Variants in CPNE8 observed in about 807,000 individuals in gnomAD.
CPNE8 encodes the protein copine 8.
In CPNE8, 45 loss-of-function variants were observed where a neutral mutation model predicts 81.5. The observed-to-expected ratio is 0.55, with a 90% confidence interval of 0.44 to 0.71. The LOEUF (loss-of-function observed/expected upper bound fraction) is 0.71. CPNE8 is among the 30% of genes least tolerant of loss of function. The pLI, the probability that CPNE8 is intolerant of heterozygous loss-of-function variation, is 0.00. For missense variants in CPNE8, 594 were observed against 672.1 expected (o/e 0.88, Z 1.28); for synonymous variants, 252 against 226.3 (o/e 1.11, Z -1.02).
At chr12:38,745,606 G>A (rs1565595024) in intron 10 of CPNE8, among the ~76,000 whole-genome samples, 1 of 152,146 alleles carries the variant, frequency 6.6e-6, no homozygotes, top group South Asian at 2.1e-4. Context: ...GCAGTGGTGT[G>A]ATCACAGCTC....
At chr12:38,775,738 G>A (rs1941919677) in intron 7 of CPNE8, among the ~76,000 whole-genome samples, 1 of 152,154 alleles carries the variant, frequency 6.6e-6, no homozygotes, top group Non-Finnish European at 1.5e-5. Flanking sequence ...GCTAGCTGTA[G>A]TGGCAGCTAA....
chr12:38,798,090 G>A (rs1389222596), intron 6 of CPNE8, among the ~76,000 whole-genome samples: 1 of 152,184 alleles, frequency 6.6e-6, no homozygotes, highest in African/African-American at 2.4e-5. Context: ...ACCTGAAAGT[G>A]ACAGGGAGAA....
At chr12:38,759,975 G>A (rs1941540701) in intron 10 of CPNE8, among the ~76,000 whole-genome samples, 1 of 152,092 alleles carries the variant, frequency 6.6e-6, no homozygotes, top group Admixed American at 6.5e-5. Flanking sequence ...TCCCTTTGGG[G>A]GTTGGTTTCT....
chr12:38,841,296 G>C (rs1236317820), intron 4 of CPNE8, among the ~76,000 whole-genome samples: 2 of 152,078 alleles, frequency 1.3e-5, no homozygotes, highest in African/African-American at 4.8e-5. Flanking sequence ...AGAACACACA[G>C]AGCCACTCTA....
chr12:38,702,673 G>T (rs1020431023), intron 14 of CPNE8, among the ~76,000 whole-genome samples: 1 of 151,860 alleles, frequency 6.6e-6, no homozygotes, highest in Non-Finnish European at 1.5e-5. Context: ...GAGACTATTA[G>T]CATTTTTGTT....
At chr12:38,780,452 T>G (rs1942026452) in intron 6 of CPNE8, among the ~76,000 whole-genome samples, 1 of 152,076 alleles carries the variant, frequency 6.6e-6, no homozygotes, top group Non-Finnish European at 1.5e-5. Flanking sequence ...GCTGGGAAAC[T>G]TCTAGAAATG....
intron 6 of CPNE8, among the ~76,000 whole-genome samples, chr12:38,785,180 T>C (rs1208101115): frequency 6.8e-6 from 1 of 147,236 alleles, no homozygotes; most frequent in African/African-American, 2.5e-5. Flanking sequence ...AGAGTGAGAC[T>C]CTGTCTCTGA....
intron 5 of CPNE8, among the ~76,000 whole-genome samples, chr12:38,839,186 A>G (rs1943429748): frequency 6.6e-6 from 1 of 151,924 alleles, no homozygotes; most frequent in South Asian, 2.1e-4. Context: ...CCTAATTCCA[A>G]TTTCACAGGT....
chr12:38,799,345 T>C (rs574291576), intron 6 of CPNE8, among the ~76,000 whole-genome samples: 1 of 152,194 alleles, frequency 6.6e-6, no homozygotes, highest in South Asian at 2.1e-4. Context: ...CAACAAACTG[T>C]CTCTCAGACC....
intron 6 of CPNE8, among the ~76,000 whole-genome samples, chr12:38,790,745 T>C (rs549186140): frequency 9.5e-4 from 144 of 151,586 alleles, no homozygotes; most frequent in African/African-American, 3.4e-3. Context: ...CCCACAAAAA[T>C]TAAAAAGATT....
chr12:38,780,951 C>T (rs1418905960), intron 6 of CPNE8, among the ~76,000 whole-genome samples: 1 of 151,910 alleles, frequency 6.6e-6, no homozygotes, highest in Non-Finnish European at 1.5e-5. Flanking sequence ...ACGAGTTAAT[C>T]TTAAATCAGT....
chr12:38,856,129 A>G (rs188136802), intron 3 of CPNE8, among the ~76,000 whole-genome samples: 3 of 152,182 alleles, frequency 2.0e-5, no homozygotes, highest in Admixed American at 2.0e-4. Context: ...AATATATAAC[A>G]TACTAAGGCT....
chr12:38,659,237 G>A (rs531569636), intron 19 of CPNE8, among the ~76,000 whole-genome samples: 13 of 151,562 alleles, frequency 8.6e-5, no homozygotes, highest in South Asian at 2.1e-4. Flanking sequence ...AAAAAAAAGC[G>A]GGGATTGCAA....
intron 3 of CPNE8, among the ~76,000 whole-genome samples, chr12:38,867,594 A>G (rs1943935399): frequency 6.6e-6 from 1 of 152,192 alleles, no homozygotes; most frequent in South Asian, 2.1e-4. Flanking sequence ...GGAACCTGGA[A>G]CAAATTCTAT....
At chr12:38,749,218 G>T (rs1257275199) in intron 10 of CPNE8, among the ~76,000 whole-genome samples, 1 of 152,268 alleles carries the variant, frequency 6.6e-6, no homozygotes, top group Non-Finnish European at 1.5e-5. Flanking sequence ...TGCCCTCCAC[G>T]TGAGACTTGA....
chr12:38,785,506 T>C (rs968638972), intron 6 of CPNE8, among the ~76,000 whole-genome samples: 16 of 152,176 alleles, frequency 1.1e-4, no homozygotes, highest in African/African-American at 3.4e-4. Flanking sequence ...GTTCTTGTGA[T>C]AGTGAATAAG....
chr12:38,890,675 A>C (rs1430084036), intron 1 of CPNE8, among the ~76,000 whole-genome samples: 2 of 152,052 alleles, frequency 1.3e-5, no homozygotes, highest in African/African-American at 4.8e-5. Flanking sequence ...AATTATACCC[A>C]AGTGAAACCA....
chr12:38,660,779 C>T (rs1247275447), intron 19 of CPNE8, among the ~76,000 whole-genome samples: 1 of 151,968 alleles, frequency 6.6e-6, no homozygotes, highest in Non-Finnish European at 1.5e-5. Context: ...AAAAAAACAA[C>T]CCCATCTAAA....
Position 38,797,905 on chromosome 12 carries a change from G to C in CPNE8, c.408-21604C>G, listed in dbSNP as rs1372663821. 6.6e-5 allele frequency among the ~76,000 whole-genome samples: 10 copies of C among 152,298 alleles called. No homozygotes were observed. In the East Asian group the frequency reaches 1.9e-3, roughly 29 times the overall value. ...GCTCGAGAACTACGTGAAGAATGCA[G>C]AAGCCTCAGGAGCTGATGTGATCAA... On this transcript the variant is annotated intron_variant, in intron 6 of 19. Transcript: ENST00000331366.
Sources: gnomAD v4.1 joint callset for allele counts (sites outside exome capture counted in the v4.1 genomes callset) on GRCh38, gnomAD v4.1.1 for gene constraint, MANE v1.5 for transcripts, NCBI Gene and HGNC (gene_info 2026-07-23, HGNC 2026-07-21) for gene names.